Variants in UGT1A5 observed in about 807,000 individuals in gnomAD.
UGT1A5 encodes the protein UDP glucuronosyltransferase family 1 member A5, also known as UDP-glucuronosyltransferase 1A5.
A neutral mutation model predicts 40.3 loss-of-function variants in UGT1A5; 29 were observed. That is an observed-to-expected ratio of 0.72 (90% CI 0.54 to 0.98). UGT1A5 has a LOEUF of 0.98. Ranked by LOEUF, UGT1A5 falls within the 50% of genes least tolerant of loss-of-function variation. The pLI, the probability that UGT1A5 is intolerant of heterozygous loss-of-function variation, is 0.00. For missense variants in UGT1A5, 678 were observed against 677.9 expected (o/e 1.00, Z 0.00); for synonymous variants, 257 against 262.5 (o/e 0.98, Z 0.20).
chr2:233,747,223 G>C, intron 1 of UGT1A5: 1 of 1,605,538 alleles, frequency 6.2e-7, no homozygotes, highest in Non-Finnish European at 8.5e-7. Context: ...GATGGCCACA[G>C]GACCCCAGGT....
chr2:233,755,188 G>A (rs1436949079), intron 1 of UGT1A5: 2 of 1,163,192 alleles, frequency 1.7e-6, no homozygotes, highest in Admixed American at 1.9e-5. Flanking sequence ...TGCCACTTGA[G>A]CGCCAGCTTG....
Position 233,767,857 on chromosome 2 carries a change from G to T in UGT1A5, c.1008G>T (p.Trp336Cys). 6.2e-7 allele frequency: 1 copy of T among 1,614,112 alleles called. No individual in the cohort carries two copies. Among genetic ancestry groups the T allele is most frequent in the South Asian group, 1.1e-5 (1 of 91,072 alleles). The change falls in exon 3 of 5, where the codon TGG becomes TGT. Residue 336 changes from tryptophan to cysteine, a missense_variant. By Grantham distance (215) the Trp-to-Cys change is radical (BLOSUM62 -2). Transcript: ENST00000373414. ...CTTTTTGCCCCTCCCAGGTCCTGTG[G>T]CGGTACACTGGAACCCGACCATCGA... is the stretch of plus-strand genomic sequence containing the variant. The part of the protein sequence containing the change: ...ALGKIPQTVL[W>C]RYTGTRPSNL...
In UGT1A5 at chr2:233,767,146, T is replaced by A. The variant is rs372326047; in HGVS notation, c.980T>A (p.Leu327Ter). 2 of 1,614,014 alleles carry A rather than the reference T, an allele frequency of 1.2e-6. No homozygotes were observed. The highest frequency in any genetic ancestry group is 2.7e-5 in the African/African-American group (2 of 74,934). ...AAAGCTATGGCAATTGCTGATGCTT[T>A]GGGCAAAATCCCTCAGACAGTAAGA... Reference protein sequence around the residue: ...EKKAMAIADALGKIPQTVLWR... With the variant: ...EKKAMAIADA The change falls in exon 2 of 5, where the codon TTG becomes TAG. Residue 327 changes from leucine to a stop codon, truncating the protein, a stop_gained. Transcript: ENST00000373414. LOFTEE classifies it high-confidence loss of function.
At position 233,743,978 on chromosome 2, in the gene UGT1A5, C is replaced by T. The variant is rs900800021; in HGVS notation, c.868-23056C>T. On this transcript the variant is annotated intron_variant, in intron 1 of 4. Transcript: ENST00000373414. ...AGCGAGCGGCAAGGCTGCCAGCACC[C>T]AGGCGCAGGCCCGAGTGCTCGGAGA... The T allele has an allele frequency of 2.3e-6, 3 of 1,306,202 alleles. No individual in the cohort carries two copies. The African/African-American group carries it at 4.6e-5, about 20-fold the overall frequency. 80.9% of individuals were successfully genotyped at this position (1,306,202 alleles called of 1,614,324 possible). A position where few individuals can be genotyped will look rare whatever the true frequency, so the allele number is the denominator to read the frequency against.
chr2:233,769,543 G>A lies in UGT1A5; in HGVS notation c.1307+1104G>A, dbSNP rs750789040. The A allele has an allele frequency of 1.2e-6, 2 of 1,612,968 alleles. No individual in the cohort carries two copies. The highest frequency in any genetic ancestry group is 1.7e-6 in the Non-Finnish European group (2 of 1,179,890). On this transcript the variant is annotated intron_variant, in intron 4 of 4. Transcript: ENST00000373414. The surrounding 1 kb of genome is among the most constrained non-coding windows in gnomAD (Gnocchi z 4.4). The stretch of plus-strand genomic sequence containing the variant: ...TTACCTCCTTTAGAAAGAAGCAGCA[G>A]TCAGGAAGACAGATGTGAAGAGCTG...
intron 1 of UGT1A5, among the ~76,000 whole-genome samples, chr2:233,738,662 G>C (rs958812061): frequency 3.9e-5 from 6 of 152,136 alleles, no homozygotes; most frequent in African/African-American, 7.2e-5. Context: ...CTACGAACTT[G>C]AGAGAGATGA....
intron 1 of UGT1A5, chr2:233,743,378 C>T: frequency 3.4e-6 from 4 of 1,169,960 alleles, no homozygotes; most frequent in South Asian, 1.3e-5. Context: ...CCATCACTAC[C>T]GTAGGACATG....
At chr2:233,718,930 A>T in intron 1 of UGT1A5, 3 of 1,614,066 alleles carry the variant, frequency 1.9e-6, no homozygotes, top group African/African-American at 1.3e-5. Context: ...GTGCCCACTG[A>T]TGGCAGCCCC....
chr2:233,723,484 C>A (rs6750992), intron 1 of UGT1A5, among the ~76,000 whole-genome samples: 60,000 of 128,836 alleles, frequency 0.47, 17,177 homozygotes, highest in African/African-American at 0.75. Context: ...TGCTAGGATT[C>A]CAGGTGTGAG....
chr2:233,714,839 T>A (rs2076415315), intron 1 of UGT1A5, among the ~76,000 whole-genome samples: 1 of 152,336 alleles, frequency 6.6e-6, no homozygotes, highest in East Asian at 1.9e-4. Flanking sequence ...GGTGAATGTT[T>A]ATAAATATTC....
intron 1 of UGT1A5, chr2:233,729,989 C>T (rs1412952740): frequency 6.2e-7 from 1 of 1,614,050 alleles, no homozygotes; most frequent in Non-Finnish European, 8.5e-7. Flanking sequence ...AAGCCACTAT[C>T]TCAGGTCTGT....
At chr2:233,767,191 C>T (rs1476411384) in intron 2 of UGT1A5, 26 bp downstream of exon 2, 2 of 1,613,814 alleles carry the variant, frequency 1.2e-6, no homozygotes, top group Non-Finnish European at 1.7e-6. Context: ...ACCATGGCCT[C>T]ATATCTATTT....
At chr2:233,742,318 C>T (rs4663966) in intron 1 of UGT1A5, among the ~76,000 whole-genome samples, 10,868 of 151,974 alleles carry the variant, frequency 0.072, 603 homozygotes, top group East Asian at 0.2. Flanking sequence ...GTATTCCTTA[C>T]GGGAAACAAA....
chr2:233,722,246 G>C (rs1029128389), intron 1 of UGT1A5, among the ~76,000 whole-genome samples: 4 of 152,178 alleles, frequency 2.6e-5, no homozygotes, highest in Non-Finnish European at 4.4e-5. Context: ...TATTATCTGT[G>C]ACAGACACGC....
intron 1 of UGT1A5, chr2:233,718,803 T>G: frequency 6.2e-7 from 1 of 1,613,256 alleles, no homozygotes; most frequent in Non-Finnish European, 8.5e-7. Flanking sequence ...CAGTCAGCTG[T>G]CGGTGGCTTC....
At position 233,767,932 on chromosome 2, in the gene UGT1A5, G is replaced by C. The variant is rs754018098; in HGVS notation, c.1083G>C (p.Leu361=). The change falls in exon 3 of 5, where the codon CTG becomes CTC. Residue 361 remains leucine (L), a synonymous_variant. Coordinates refer to ENST00000373414, the MANE Select transcript of UGT1A5 (RefSeq NM_019078.2). ...TTAAGTGGCTACCCCAAAACGATCT[G>C]CTTGGTATGTTGGGCGGATTGGATG... ...ILVKWLPQND[L]LGHPMTRAFI... 3 of 1,614,064 alleles carry C rather than the reference G, an allele frequency of 1.9e-6. No individual in the cohort carries two copies. Among genetic ancestry groups the C allele is most frequent in the African/African-American group, 2.7e-5 (2 of 74,926 alleles).
intron 1 of UGT1A5, among the ~76,000 whole-genome samples, chr2:233,730,265 T>C (rs547052963): frequency 2.0e-5 from 3 of 152,104 alleles, no homozygotes; most frequent in East Asian, 3.9e-4. Context: ...AGACTGTTGG[T>C]TTGTAAAGGC....
In UGT1A5 at chr2:233,740,798, C is replaced by T. The variant is rs557461962; in HGVS notation, c.868-26236C>T. On this transcript the variant is annotated intron_variant, in intron 1 of 4. Transcript: ENST00000373414. ...AAAAGATGAATACCCACATAACAGGCTCTAGCACTGTTCTGTTTTTGAGCT... is the reference window on the plus strand; with the variant it reads ...AAAAGATGAATACCCACATAACAGGTTCTAGCACTGTTCTGTTTTTGAGCT... The T allele has an allele frequency of 3.9e-5, 6 of 151,946 alleles. No individual in the cohort carries two copies. The East Asian group carries it at 1.2e-3, about 29-fold the overall frequency. The allele number at this position is 151,946 out of a possible 1,614,324, so 9.4% of individuals were successfully genotyped here.
chr2:233,772,831 T>A lies in UGT1A5; in HGVS notation c.*272T>A. ...AGAGGACGTGCAGACAGGCTGGCATTCTAGATTACTTTTCTTACTCTGAAA... is the reference window on the plus strand; with the variant it reads ...AGAGGACGTGCAGACAGGCTGGCATACTAGATTACTTTTCTTACTCTGAAA... On this transcript the variant is annotated 3_prime_UTR_variant, in exon 5 of 5. Coordinates refer to ENST00000373414, the MANE Select transcript of UGT1A5 (RefSeq NM_019078.2). 1 of 893,950 alleles carries A rather than the reference T, an allele frequency of 1.1e-6. No individual in the cohort carries two copies. The highest frequency in any genetic ancestry group is 1.6e-6 in the Non-Finnish European group (1 of 642,656). The allele number at this position is 893,950 out of a possible 1,614,324, so 55.4% of individuals were successfully genotyped here. A position where few individuals can be genotyped will look rare whatever the true frequency, so the allele number is the denominator to read the frequency against.
Sources: gnomAD v4.1 joint callset for allele counts (sites outside exome capture counted in the v4.1 genomes callset) on GRCh38, gnomAD v4.1.1 for gene constraint, Gnocchi (gnomAD v3.1) non-coding constraint, MANE v1.5 for transcripts, NCBI Gene and HGNC (gene_info 2026-07-23, HGNC 2026-07-21) for gene names.